Variants in UMAD1 observed in about 807,000 individuals in gnomAD.
UMAD1 encodes UBAP1-MVB12-associated (UMA) domain containing 1.
Under a neutral mutation model 6.1 loss-of-function variants are expected in UMAD1, and 8 were observed. That is an observed-to-expected ratio of 1.30 (90% CI 0.76 to 2.35). UMAD1 has a LOEUF of 2.35. Among genes scored for constraint, UMAD1 ranks in the 30% most tolerant of loss-of-function variants. UMAD1 has a pLI of 0.00. For synonymous variants in UMAD1, 56 were observed against 31.4 expected, an observed-to-expected ratio of 1.78 and a Z score of -2.61; for missense variants, 130 against 78.4, an observed-to-expected ratio of 1.66 and a Z score of -2.49.
At chr7:7,741,378 T>C (rs1781460816) in intron 2 of UMAD1, among the ~76,000 whole-genome samples, 1 of 151,840 alleles carries the variant, frequency 6.6e-6, no homozygotes, top group Non-Finnish European at 1.5e-5. Flanking sequence ...CAGACCATCC[T>C]GGCTAACACA....
At chr7:7,771,919 A>G (rs1175975814) in intron 2 of UMAD1, among the ~76,000 whole-genome samples, 1 of 152,178 alleles carries the variant, frequency 6.6e-6, no homozygotes, top group Admixed American at 6.5e-5. Flanking sequence ...ATATGTTTAA[A>G]AATGTGCATT....
intron 3 of UMAD1, among the ~76,000 whole-genome samples, chr7:7,877,038 G>A (rs1784431528): frequency 6.6e-6 from 1 of 152,192 alleles, no homozygotes; most frequent in African/African-American, 2.4e-5. Context: ...ATAACAAGAA[G>A]GCCAGTTTGT....
intron 2 of UMAD1, chr7:7,740,827 C>A (rs2115205057): frequency 6.6e-6 from 1 of 152,238 alleles, no homozygotes; most frequent in East Asian, 1.9e-4. Flanking sequence ...TTCTCCTTTT[C>A]TCTTTTAACC....
chr7:7,676,027 G>A (rs1779729697), intron 2 of UMAD1: 1 of 397,522 alleles, frequency 2.5e-6, no homozygotes. Context: ...GTATCAGTCA[G>A]CATCATGTCT....
chr7:7,795,387 C>T (rs1235719986), intron 2 of UMAD1, among the ~76,000 whole-genome samples: 1 of 152,218 alleles, frequency 6.6e-6, no homozygotes, highest in Non-Finnish European at 1.5e-5. Flanking sequence ...CAGCAACATG[C>T]TGCCTGTGTT....
intron 3 of UMAD1, among the ~76,000 whole-genome samples, chr7:7,847,319 C>T (rs866336839): frequency 2.0e-5 from 3 of 150,296 alleles, no homozygotes; most frequent in African/African-American, 4.9e-5. Flanking sequence ...TCACAGTTTA[C>T]ATAGCTTTGT....
intron 2 of UMAD1, among the ~76,000 whole-genome samples, chr7:7,717,052 CTTTTTTTCTTTT>C (rs1273575826): frequency 6.8e-6 from 1 of 147,308 alleles, no homozygotes; most frequent in East Asian, 1.9e-4. Context: ...TTCTTTCTTT[CTTTTTTTCTTTT>C]TTTTTTTTTT....
chr7:7,666,531 A>G (rs1235757386), intron 1 of UMAD1, among the ~76,000 whole-genome samples: 1 of 152,058 alleles, frequency 6.6e-6, no homozygotes, highest in East Asian at 1.9e-4. Context: ...TTAATTTTAA[A>G]TATTTTAATA....
intron 2 of UMAD1, among the ~76,000 whole-genome samples, chr7:7,719,792 A>G (rs1393856115): frequency 6.6e-6 from 1 of 152,238 alleles, no homozygotes; most frequent in Admixed American, 6.5e-5. Context: ...TGAATTGTTC[A>G]CAACAACTTA....
At chr7:7,668,206 C>A (rs550755420) in intron 1 of UMAD1, among the ~76,000 whole-genome samples, 1 of 152,130 alleles carries the variant, frequency 6.6e-6, no homozygotes, top group South Asian at 2.1e-4. Flanking sequence ...AGCCACCATG[C>A]CTGGTCCTAC....
At position 7,847,097 on chromosome 7, in the gene UMAD1, AAAAAAAAATATATATATATATATATATAT is replaced by A. The variant is rs1262879829; in HGVS notation, c.157-30182_157-30154del. On this transcript the variant is annotated intron_variant, in intron 3 of 3. Transcript: ENST00000682710. Reference sequence around the variant, plus strand: ...AAAAAGACAGCAATGCAAAAAAAAAAAAAAAAAATATATATATATATATATATATATATATATATATATATATATATATA... The same window carrying A: ...AAAAAGACAGCAATGCAAAAAAAAAAATATATATATATATATATATATATA... Among the ~76,000 whole-genome samples, 8 of 48,856 alleles carry A rather than the reference AAAAAAAAATATATATATATATATATATAT, an allele frequency of 1.6e-4. 1 individual carries two copies. The highest frequency in any genetic ancestry group is 1.1e-3 in the African/African-American group (7 of 6,612). The allele number at this position is 48,856 out of a possible 152,430, so 32.1% of individuals were successfully genotyped here. A position where few individuals can be genotyped will look rare whatever the true frequency, so the allele number is the denominator to read the frequency against.
chr7:7,802,395 C>T (rs1179958179), intron 3 of UMAD1, among the ~76,000 whole-genome samples: 1 of 149,806 alleles, frequency 6.7e-6, no homozygotes, highest in Non-Finnish European at 1.5e-5. Flanking sequence ...AAAAAAAAAT[C>T]CATTCAAAAT....
chr7:7,658,204 T>C (rs918820480), intron 1 of UMAD1, among the ~76,000 whole-genome samples: 4 of 151,666 alleles, frequency 2.6e-5, no homozygotes, highest in African/African-American at 9.7e-5. Context: ...CTTAAGGAGA[T>C]TTTGGGCTGA....
chr7:7,727,954 C>G (rs897894670), intron 2 of UMAD1, among the ~76,000 whole-genome samples: 11 of 151,642 alleles, frequency 7.3e-5, no homozygotes, highest in Non-Finnish European at 1.5e-4. Context: ...TTTAATACTC[C>G]TTAATAAACT....
chr7:7,789,922 C>G (rs1443220855), intron 2 of UMAD1, among the ~76,000 whole-genome samples: 1 of 152,112 alleles, frequency 6.6e-6, no homozygotes, highest in Non-Finnish European at 1.5e-5. Flanking sequence ...GGTGTATGTT[C>G]AGATATTTCT....
chr7:7,742,453 T>G (rs910018907), intron 2 of UMAD1: 2 of 542,260 alleles, frequency 3.7e-6, no homozygotes, highest in East Asian at 4.5e-5. Context: ...TCTTTTTCTT[T>G]TTTTGTGGTT....
At chr7:7,817,222 C>G (rs6957893) in intron 3 of UMAD1, among the ~76,000 whole-genome samples, 44,389 of 152,152 alleles carry the variant, frequency 0.29, 7,571 homozygotes, top group East Asian at 0.53. Context: ...ATCTTCAATG[C>G]CATTTAGTCT....
intron 2 of UMAD1, among the ~76,000 whole-genome samples, chr7:7,702,342 G>A (rs563324855): frequency 8.5e-5 from 13 of 152,088 alleles, no homozygotes; most frequent in Non-Finnish European, 1.6e-4. Context: ...GGAAAGATGA[G>A]ACTATATTCA....
intron 2 of UMAD1, among the ~76,000 whole-genome samples, chr7:7,780,657 A>G (rs1053915602): frequency 3.9e-5 from 6 of 152,166 alleles, no homozygotes; most frequent in Admixed American, 1.3e-4. Context: ...AGCAATCCTG[A>G]CTTCTAACAG....
Sources: gnomAD v4.1 joint callset for allele counts (sites outside exome capture counted in the v4.1 genomes callset) on GRCh38, gnomAD v4.1.1 for gene constraint, MANE v1.5 for transcripts, NCBI Gene and HGNC (gene_info 2026-07-23, HGNC 2026-07-21) for gene names.